The following PLPP4 variants were observed in gnomAD, a reference collection of about 807,000 sequenced individuals.
The protein encoded by PLPP4 is phospholipid phosphatase 4, also known as diacylglycerol pyrophosphate like 2.
In PLPP4, 20 loss-of-function variants were observed where a neutral mutation model predicts 32.2. The observed-to-expected ratio is 0.62, with a 90% confidence interval of 0.44 to 0.90. The LOEUF (loss-of-function observed/expected upper bound fraction) is 0.90, where lower values mean the gene tolerates loss of function less well. Among genes scored for constraint, PLPP4 ranks in the 40% least tolerant of loss-of-function variants. The pLI is 0.00. For synonymous variants in PLPP4, 127 were observed against 133.0 expected (o/e 0.95, Z 0.31); for missense variants, 257 against 353.1 (o/e 0.73, Z 2.18).
intron 5 of PLPP4, among the ~76,000 whole-genome samples, chr10:120,566,957 C>T (rs1299605326): frequency 6.6e-6 from 1 of 152,184 alleles, no homozygotes; most frequent in South Asian, 2.1e-4. Context: ...TTTGTTTCTT[C>T]GTCCTCAAAC....
chr10:120,558,873 A>G (rs1027328585), intron 5 of PLPP4, among the ~76,000 whole-genome samples: 3 of 152,180 alleles, frequency 2.0e-5, no homozygotes, highest in Non-Finnish European at 4.4e-5. Flanking sequence ...TCTTCCAAAT[A>G]TAACTCTCAG....
At chr10:120,536,843 C>T (rs1469302720) in intron 5 of PLPP4, among the ~76,000 whole-genome samples, 9 of 151,960 alleles carry the variant, frequency 5.9e-5, no homozygotes, top group African/African-American at 1.9e-4. Context: ...AGAACTCATA[C>T]AATTAAATAG....
intron 5 of PLPP4, among the ~76,000 whole-genome samples, chr10:120,560,944 G>T (rs533585929): frequency 2.9e-4 from 44 of 152,128 alleles, no homozygotes; most frequent in African/African-American, 1.0e-3. Flanking sequence ...TCAATTGCAT[G>T]GGGTGTCGGT....
chr10:120,575,310 C>T lies in PLPP4; in HGVS notation c.616+9C>T, dbSNP rs1219693668. On this transcript the variant is annotated intron_variant, in intron 6 of 6. Coordinates refer to ENST00000398250, the MANE Select transcript of PLPP4 (RefSeq NM_001030059.3). ...CAAGCATCACTGGCAAGGTGAGTCC[C>T]TGCCCAGGGCCTGACTAGTCCTCAC... 1.2e-6 allele frequency: 2 copies of T among 1,612,636 alleles called. No individual in the cohort carries two copies. Among genetic ancestry groups the T allele is most frequent in the African/African-American group, 1.3e-5 (1 of 75,042 alleles).
At chr10:120,564,681 C>A (rs1244237426) in intron 5 of PLPP4, among the ~76,000 whole-genome samples, 1 of 151,916 alleles carries the variant, frequency 6.6e-6, no homozygotes, top group Non-Finnish European at 1.5e-5. Context: ...TGTAATACTT[C>A]CTATTATACC....
intron 5 of PLPP4, among the ~76,000 whole-genome samples, chr10:120,560,570 C>T (rs754726663): frequency 1.3e-5 from 2 of 152,024 alleles, no homozygotes; most frequent in African/African-American, 2.4e-5. Flanking sequence ...GACTGGCCAA[C>T]ATAGTGAAAC....
chr10:120,467,725 C>T lies in PLPP4; in HGVS notation c.56+10364C>T, dbSNP rs576311296. On this transcript the variant is annotated intron_variant, in intron 1 of 6. Transcript: ENST00000398250. ...TTCATAAACTGACACACTTTAAATC[C>T]GTGATATTTTTATGTTAACTTTTAT... Among the ~76,000 whole-genome samples, 82 of 64,324 alleles carry T rather than the reference C, an allele frequency of 1.3e-3. 22 individuals carry two copies. The highest frequency in any genetic ancestry group is 2.7e-3 in the African/African-American group (82 of 30,004). The allele number at this position is 64,324 out of a possible 152,430, so 42.2% of individuals were successfully genotyped here.
At chr10:120,533,580 GA>G (rs965728055) in intron 5 of PLPP4, among the ~76,000 whole-genome samples, 5 of 151,994 alleles carry the variant, frequency 3.3e-5, no homozygotes, top group African/African-American at 1.2e-4. Context: ...TAATATCTAA[GA>G]AACAATTTCC....
rs77727706 is a variant in PLPP4 at position 120,561,143 on chromosome 10, T to C, written c.446-13988T>C. Reference sequence around the variant, plus strand: ...AAACAAGTATCCAGTCTAGGACTTATTATGTATTTGGATGAACCAAGTTCT... The same window carrying C: ...AAACAAGTATCCAGTCTAGGACTTACTATGTATTTGGATGAACCAAGTTCT... On this transcript the variant is annotated intron_variant, in intron 5 of 6. Transcript: ENST00000398250. Among the ~76,000 whole-genome samples the C allele has an allele frequency of 2.7e-4, 41 of 152,342 alleles. No homozygotes were observed. The East Asian group carries it at 6.0e-3, about 22-fold the overall frequency.
chr10:120,531,893 CACAT>C (rs761557315), intron 5 of PLPP4, among the ~76,000 whole-genome samples: 3,627 of 150,138 alleles, frequency 0.024, 51 homozygotes, highest in Middle Eastern at 0.045. Flanking sequence ...CACACACACA[CACAT>C]ATATATATAT....
chr10:120,590,960 G>A lies in PLPP4; in HGVS notation c.*1458G>A, dbSNP rs1849974608. On this transcript the variant is annotated 3_prime_UTR_variant, in exon 7 of 7. Coordinates refer to ENST00000398250, the MANE Select transcript of PLPP4 (RefSeq NM_001030059.3). ...ATTTTTGTATTTTTAGTAGACACGG[G>A]GTTTCACCACGTTGGCCAGGCTGGT... Among the ~76,000 whole-genome samples the A allele has an allele frequency of 6.6e-6, 1 of 151,928 alleles. No individual in the cohort carries two copies. Among genetic ancestry groups the A allele is most frequent in the African/African-American group, 2.4e-5 (1 of 41,362 alleles).
At chr10:120,488,434 A>G (rs1244818543) in intron 1 of PLPP4, among the ~76,000 whole-genome samples, 1 of 152,232 alleles carries the variant, frequency 6.6e-6, no homozygotes, top group African/African-American at 2.4e-5. Context: ...ACAGAAGTAA[A>G]GTGATTGGCC....
At chr10:120,484,339 C>G (rs940969026) in intron 1 of PLPP4, among the ~76,000 whole-genome samples, 12 of 152,126 alleles carry the variant, frequency 7.9e-5, no homozygotes, top group African/African-American at 2.9e-4. Flanking sequence ...GCTGCTATAA[C>G]AGAATACCTG....
intron 5 of PLPP4, among the ~76,000 whole-genome samples, chr10:120,533,754 G>A (rs1230963954): frequency 6.6e-6 from 1 of 152,050 alleles, no homozygotes; most frequent in Non-Finnish European, 1.5e-5. Flanking sequence ...GGGAAAAAGG[G>A]AGAGCAAATA....
intron 6 of PLPP4, among the ~76,000 whole-genome samples, chr10:120,588,668 ATTC>A (rs1325157179): frequency 2.0e-5 from 3 of 152,240 alleles, no homozygotes; most frequent in Non-Finnish European, 4.4e-5. Context: ...GATGGCTTGA[ATTC>A]TTCTTCCAGA....
At chr10:120,582,993 T>G (rs1170535774) in intron 6 of PLPP4, among the ~76,000 whole-genome samples, 4 of 151,748 alleles carry the variant, frequency 2.6e-5, no homozygotes, top group African/African-American at 9.7e-5. Context: ...CACAGAAACA[T>G]GAAGCTTCAC....
intron 5 of PLPP4, among the ~76,000 whole-genome samples, chr10:120,535,909 G>A (rs1390538078): frequency 1.3e-5 from 2 of 152,022 alleles, no homozygotes; most frequent in Non-Finnish European, 2.9e-5. Context: ...TTACTGACTT[G>A]TAACAGTCTT....
intron 5 of PLPP4, among the ~76,000 whole-genome samples, chr10:120,555,232 T>G (rs1848101556): frequency 6.6e-6 from 1 of 152,164 alleles, no homozygotes; most frequent in African/African-American, 2.4e-5. Context: ...ATGGTAGAAC[T>G]TTTACTCCCA....
chr10:120,588,750 GA>G (rs1416062881), intron 6 of PLPP4, among the ~76,000 whole-genome samples: 1 of 152,206 alleles, frequency 6.6e-6, no homozygotes, highest in Non-Finnish European at 1.5e-5. Context: ...GTGAGTTAAA[GA>G]AATACAGGGA....
Sources: allele counts gnomAD v4.1 joint callset (sites outside exome capture counted in the v4.1 genomes callset), GRCh38; gene constraint gnomAD v4.1.1; transcripts MANE v1.5; gene names NCBI Gene and HGNC (gene_info 2026-07-23, HGNC 2026-07-21).